The following TMEM132B variants were observed in gnomAD, a reference collection of about 807,000 sequenced individuals.
TMEM132B encodes the protein transmembrane protein 132B.
In TMEM132B, 18 loss-of-function variants were observed where a neutral mutation model predicts 90.8. The ratio of observed to expected loss-of-function variants is 0.20; its 90% CI spans 0.14 to 0.29. The LOEUF (loss-of-function observed/expected upper bound fraction) is 0.29, where lower values mean the gene tolerates loss of function less well. TMEM132B is among the 10% of genes least tolerant of loss of function. TMEM132B has a pLI of 1.00. For missense variants in TMEM132B, 1,096 were observed against 1,326.8 expected (o/e 0.83, Z 2.70); for synonymous variants, 504 against 523.3 (o/e 0.96, Z 0.50).
intron 3 of TMEM132B, among the ~76,000 whole-genome samples, chr12:125,493,137 C>T (rs1479562536): frequency 6.6e-6 from 1 of 152,134 alleles, no homozygotes; most frequent in Non-Finnish European, 1.5e-5. Flanking sequence ...TCCTCAAAAC[C>T]ACACTGGGAG....
At chr12:125,341,614 A>G (rs1315736326) in intron 1 of TMEM132B, among the ~76,000 whole-genome samples, 8 of 152,110 alleles carry the variant, frequency 5.3e-5, no homozygotes, top group Admixed American at 5.2e-4. Context: ...CTGACTATTC[A>G]TTTTTATGAG....
chr12:125,658,352 G>C lies in TMEM132B; in HGVS notation c.*3642G>C, dbSNP rs1887119634. 6.6e-6 allele frequency: 1 copy of C among 152,168 alleles called. No homozygotes were observed. Among genetic ancestry groups the C allele is most frequent in the African/African-American group, 2.4e-5 (1 of 41,434 alleles). 9.4% of individuals were successfully genotyped at this position (152,168 alleles called of 1,614,324 possible). Reference sequence around the variant, plus strand: ...GGGTCTTCCCATTACTGGGATGTCGGGGCCCTGTCAGAGAACTATTATTAA... The same window carrying C: ...GGGTCTTCCCATTACTGGGATGTCGCGGCCCTGTCAGAGAACTATTATTAA... On this transcript the variant is annotated 3_prime_UTR_variant, in exon 9 of 9. Coordinates refer to ENST00000682704, the MANE Select transcript of TMEM132B (RefSeq NM_001366854.1).
At position 125,652,525 on chromosome 12, in the gene TMEM132B, G is replaced by C; in HGVS notation, c.1999G>C (p.Val667Leu). 1.2e-6 allele frequency: 2 copies of C among 1,613,798 alleles called. No individual in the cohort carries two copies. The highest frequency in any genetic ancestry group is 1.7e-6 in the Non-Finnish European group (2 of 1,179,788). The change falls in exon 8 of 9, where the codon GTG (valine) becomes CTG (leucine). Residue 667 changes from valine (V) to leucine (L), a missense_variant. Physicochemically the swap from Val to Leu is conservative, Grantham distance 32. Coordinates refer to ENST00000682704, the MANE Select transcript of TMEM132B (RefSeq NM_001366854.1). ...CCGAGTCACCATCGCGGAGCTGGGA[G>C]TGCAGCTCGTAGCTGGCATGTCTCT... ...DDRVTIAELGVQLVAGMSLSL... is the reference protein window; with the variant it reads ...DDRVTIAELGLQLVAGMSLSL...
chr12:125,331,137 G>T (rs1876755754), intron 1 of TMEM132B, among the ~76,000 whole-genome samples: 1 of 152,208 alleles, frequency 6.6e-6, no homozygotes, highest in South Asian at 2.1e-4. Flanking sequence ...GGAGGAGGGA[G>T]CCGGACTGGG....
chr12:125,414,706 C>A (rs1252994026), intron 2 of TMEM132B, among the ~76,000 whole-genome samples: 1 of 152,160 alleles, frequency 6.6e-6, no homozygotes, highest in Admixed American at 6.5e-5. Flanking sequence ...GCAGTGGGCA[C>A]CCCACGGCCT....
Position 125,498,403 on chromosome 12 carries a change from C to G in TMEM132B, c.1107-21036C>G, listed in dbSNP as rs919830393. On this transcript the variant is annotated intron_variant, in intron 3 of 8. Transcript: ENST00000682704. This position sits in a 1 kb window ranked among gnomAD's most constrained non-coding sequence, Gnocchi z 4.5. ...AATCACACACAGCATCCTTTGCTGC[C>G]CCCTTCACTTGCAGATCAGTCAGTT... Among the ~76,000 whole-genome samples, 1 of 152,150 alleles carries G rather than the reference C, an allele frequency of 6.6e-6. No individual in the cohort carries two copies. Among genetic ancestry groups the G allele is most frequent in the East Asian group, 1.9e-4 (1 of 5,186 alleles).
chr12:125,446,848 G>A (rs992210307), intron 3 of TMEM132B, among the ~76,000 whole-genome samples: 5 of 152,110 alleles, frequency 3.3e-5, no homozygotes, highest in Admixed American at 1.3e-4. Context: ...ATGCTGGCTA[G>A]CAACCATGAA....
At chr12:125,477,561 T>G (rs60975663) in intron 3 of TMEM132B, among the ~76,000 whole-genome samples, 3,694 of 152,254 alleles carry the variant, frequency 0.024, 157 homozygotes, top group African/African-American at 0.084. Flanking sequence ...GCACAGTTGT[T>G]ACATTTTTGG....
At chr12:125,216,925 A>G (rs1009354433) in intron 1 of TMEM132B, among the ~76,000 whole-genome samples, 1 of 152,276 alleles carries the variant, frequency 6.6e-6, no homozygotes, top group Middle Eastern at 3.4e-3. Context: ...TGCTGTGGCC[A>G]CTGGCTGCGA....
intron 5 of TMEM132B, among the ~76,000 whole-genome samples, chr12:125,627,854 A>G (rs1005154046): frequency 6.6e-6 from 1 of 152,038 alleles, no homozygotes; most frequent in Non-Finnish European, 1.5e-5. Context: ...TCCTTCCACT[A>G]TCTTCGTGAG....
At chr12:125,581,454 T>A (rs978898871) in intron 4 of TMEM132B, among the ~76,000 whole-genome samples, 1 of 152,202 alleles carries the variant, frequency 6.6e-6, no homozygotes, top group Non-Finnish European at 1.5e-5. Flanking sequence ...TGATTTTCTT[T>A]GTTTGGGCTT....
At chr12:125,515,171 C>T (rs1332208105) in intron 3 of TMEM132B, among the ~76,000 whole-genome samples, 1 of 151,546 alleles carries the variant, frequency 6.6e-6, no homozygotes, top group East Asian at 1.9e-4. Context: ...CATTCTCTCC[C>T]ACACTCACAC....
chr12:125,412,864 T>G (rs1212460756), intron 2 of TMEM132B, among the ~76,000 whole-genome samples: 2 of 152,078 alleles, frequency 1.3e-5, no homozygotes, highest in Non-Finnish European at 2.9e-5. Flanking sequence ...TGGAACATCA[T>G]GACGGCAAGA....
chr12:125,304,297 G>A (rs567805678), intron 1 of TMEM132B, among the ~76,000 whole-genome samples: 26 of 152,320 alleles, frequency 1.7e-4, no homozygotes, highest in African/African-American at 3.1e-4. Context: ...AACAGGTCAC[G>A]GACTGGTACT....
chr12:125,238,899 G>A (rs998937963), intron 1 of TMEM132B, among the ~76,000 whole-genome samples: 3 of 152,198 alleles, frequency 2.0e-5, no homozygotes, highest in African/African-American at 7.2e-5. Flanking sequence ...GAAAAGATCA[G>A]CAGAACCCCA....
intron 3 of TMEM132B, among the ~76,000 whole-genome samples, chr12:125,504,985 T>A (rs1290346752): frequency 6.6e-6 from 1 of 152,060 alleles, no homozygotes; most frequent in Non-Finnish European, 1.5e-5. Flanking sequence ...ACATGCATTA[T>A]GAAGACTCCA....
At chr12:125,630,720 T>G (rs994754246) in intron 5 of TMEM132B, among the ~76,000 whole-genome samples, 1 of 152,074 alleles carries the variant, frequency 6.6e-6, no homozygotes, top group Non-Finnish European at 1.5e-5. Context: ...CAATATTTTT[T>G]CTGCTCCTCT....
intron 1 of TMEM132B, among the ~76,000 whole-genome samples, chr12:125,212,373 T>C (rs902482510): frequency 5.3e-5 from 8 of 152,192 alleles, no homozygotes; most frequent in South Asian, 4.2e-4. Context: ...GACAGGGTCT[T>C]GCTATATTGC....
intron 4 of TMEM132B, among the ~76,000 whole-genome samples, chr12:125,519,950 C>T (rs1379414926): frequency 1.3e-5 from 2 of 152,176 alleles, no homozygotes; most frequent in African/African-American, 2.4e-5. Context: ...CAGGGTTACA[C>T]GTTGGGAACA....
Sources: gnomAD v4.1 joint callset for allele counts (sites outside exome capture counted in the v4.1 genomes callset) on GRCh38, gnomAD v4.1.1 for gene constraint, Gnocchi (gnomAD v3.1) non-coding constraint, MANE v1.5 for transcripts, NCBI Gene and HGNC (gene_info 2026-07-23, HGNC 2026-07-21) for gene names.